Variants in AK4 observed in about 807,000 individuals in gnomAD.
AK4 encodes the protein adenylate kinase 4.
AK4 carries 13 observed loss-of-function variants against 24.6 expected under a neutral mutation model. That is an observed-to-expected ratio of 0.53 (90% CI 0.34 to 0.84). AK4 has a LOEUF of 0.84. AK4 is among the 40% of genes least tolerant of loss of function. The pLI, the probability that AK4 is intolerant of heterozygous loss-of-function variation, is 0.01. For synonymous variants in AK4, 88 were observed against 107.0 expected, an observed-to-expected ratio of 0.82 and a Z score of 1.10; for missense variants, 192 against 288.2, an observed-to-expected ratio of 0.67 and a Z score of 2.42.
chr1:65,195,501 A>G (rs1018933900), intron 2 of AK4, among the ~76,000 whole-genome samples: 1 of 152,196 alleles, frequency 6.6e-6, no homozygotes, highest in African/African-American at 2.4e-5. Flanking sequence ...TAGGGAACTT[A>G]AAAATCTGTG....
At chr1:65,172,062 A>AATATATATATATATATATAT (rs1406842262) in intron 1 of AK4, among the ~76,000 whole-genome samples, 1 of 29,912 alleles carries the variant, frequency 3.3e-5, no homozygotes, top group Non-Finnish European at 9.3e-5. Context: ...CTCCATCTCA[A>AATATATATATATATATATAT]GTATATATAT....
At position 65,169,914 on chromosome 1, in the gene AK4, C is replaced by A. The variant is rs74083413; in HGVS notation, c.146-20796C>A. ...GTGTGTGTGTGGCCCCTCACTCACTCCCTCACTCTAGGTGGTGTGAGGCCA... is the reference window on the plus strand; with the variant it reads ...GTGTGTGTGTGGCCCCTCACTCACTACCTCACTCTAGGTGGTGTGAGGCCA... On this transcript the variant is annotated intron_variant, in intron 1 of 4. Coordinates refer to ENST00000327299, the MANE Select transcript of AK4 (RefSeq NM_013410.4). Among the ~76,000 whole-genome samples, 506 of 151,890 alleles carry A rather than the reference C, an allele frequency of 3.3e-3. 1 individual carries two copies. Among genetic ancestry groups the A allele is most frequent in the Middle Eastern group, 0.01 (3 of 294 alleles).
chr1:65,180,818 G>T (rs576012109), intron 1 of AK4, among the ~76,000 whole-genome samples: 4 of 152,002 alleles, frequency 2.6e-5, no homozygotes, highest in Non-Finnish European at 5.9e-5. Context: ...GCGCAGGTGC[G>T]CACACACGTG....
At chr1:65,223,128 C>A (rs1055552521) in intron 3 of AK4, among the ~76,000 whole-genome samples, 1 of 151,548 alleles carries the variant, frequency 6.6e-6, no homozygotes, top group African/African-American at 2.4e-5. Flanking sequence ...CCTTCTGTTT[C>A]TCTTTTCCTT....
chr1:65,149,939 C>T (rs1649709511), intron 1 of AK4, among the ~76,000 whole-genome samples: 1 of 152,154 alleles, frequency 6.6e-6, no homozygotes, highest in African/African-American at 2.4e-5. Context: ...AAGGCTGGCT[C>T]TCATCCTAAT....
At chr1:65,168,906 G>C (rs1286147869) in intron 1 of AK4, among the ~76,000 whole-genome samples, 1 of 152,122 alleles carries the variant, frequency 6.6e-6, no homozygotes. Flanking sequence ...CAGGTGTAGT[G>C]GCCCATGGCT....
chr1:65,199,436 C>T (rs1651593737), intron 2 of AK4, among the ~76,000 whole-genome samples: 1 of 151,830 alleles, frequency 6.6e-6, no homozygotes, highest in East Asian at 1.9e-4. Flanking sequence ...GTAGTCCCAG[C>T]TACTCGGGAG....
At chr1:65,165,908 T>C (rs1379561154) in intron 1 of AK4, 4 of 152,256 alleles carry the variant, frequency 2.6e-5, no homozygotes, top group African/African-American at 9.7e-5. Flanking sequence ...GCCAGGAAAG[T>C]AGTCCCATTT....
At chr1:65,225,976 C>A in intron 4 of AK4, 87 bp from the exon 5 acceptor site, 2 of 1,400,462 alleles carry the variant, frequency 1.4e-6, no homozygotes, top group Non-Finnish European at 2.0e-6. Flanking sequence ...ACCATGAGAT[C>A]ATGCTTGTTT....
In AK4 at chr1:65,203,664, C is replaced by T. The variant is rs1342656221; in HGVS notation, c.265+12835C>T. On this transcript the variant is annotated intron_variant, in intron 2 of 4. Transcript: ENST00000327299. The stretch of plus-strand genomic sequence containing the variant: ...ACTAAAAATACAAAAATTAGCCAGG[C>T]GTGGTGGTGTGCACCTGTAATCCCA... 2.6e-5 allele frequency among the ~76,000 whole-genome samples: 4 copies of T among 152,028 alleles called. No homozygotes were observed. In the East Asian group the frequency reaches 5.8e-4, roughly 22 times the overall value.
intron 1 of AK4, among the ~76,000 whole-genome samples, chr1:65,161,260 T>C (rs1319457182): frequency 1.3e-5 from 2 of 152,186 alleles, no homozygotes; most frequent in Non-Finnish European, 2.9e-5. Context: ...CTTGGTGTTA[T>C]TTTATTATTC....
chr1:65,191,542 G>T (rs1176253272), intron 2 of AK4, among the ~76,000 whole-genome samples: 1 of 151,478 alleles, frequency 6.6e-6, no homozygotes, highest in Non-Finnish European at 1.5e-5. Context: ...GATAGGGAAG[G>T]TAGGTTTTTT....
In AK4 at chr1:65,226,004, G is replaced by A. The variant is rs1237962054; in HGVS notation, c.558-59G>A. 2.6e-6 allele frequency: 4 copies of A among 1,538,586 alleles called. No individual in the cohort carries two copies. The East Asian group carries it at 6.8e-5, about 26-fold the overall frequency. Reference sequence around the variant, plus strand: ...GCTTGTTTTATATCTAGGATCTTCTGCACTAATACGTGGAAAAGAAACCTA... The same window carrying A: ...GCTTGTTTTATATCTAGGATCTTCTACACTAATACGTGGAAAAGAAACCTA... On this transcript the variant is annotated intron_variant, in intron 4 of 4. Coordinates refer to ENST00000327299, the MANE Select transcript of AK4 (RefSeq NM_013410.4).
chr1:65,179,811 G>C (rs766015513), intron 1 of AK4, among the ~76,000 whole-genome samples: 7 of 152,056 alleles, frequency 4.6e-5, no homozygotes, highest in African/African-American at 7.2e-5. Context: ...CTTCAGCCTC[G>C]GTGACAAAGT....
intron 4 of AK4, among the ~76,000 whole-genome samples, chr1:65,225,834 G>C (rs574638088): frequency 6.6e-6 from 1 of 152,054 alleles, no homozygotes; most frequent in East Asian, 1.9e-4. Context: ...TTTTAAAGGG[G>C]GAGAAAAAAG....
At chr1:65,151,988 A>G (rs1649785815) in intron 1 of AK4, among the ~76,000 whole-genome samples, 1 of 152,100 alleles carries the variant, frequency 6.6e-6, no homozygotes, top group Admixed American at 6.6e-5. Flanking sequence ...GTTGTAAGAA[A>G]TATTAGCTTT....
intron 1 of AK4, among the ~76,000 whole-genome samples, chr1:65,160,069 G>T (rs12401887): frequency 2.6e-5 from 4 of 151,738 alleles, no homozygotes; most frequent in Non-Finnish European, 4.4e-5. Flanking sequence ...AGAAACTAGC[G>T]TTCAAACCTG....
intron 1 of AK4, among the ~76,000 whole-genome samples, chr1:65,188,026 A>G (rs527324755): frequency 5.3e-5 from 8 of 152,302 alleles, no homozygotes; most frequent in African/African-American, 1.9e-4. Flanking sequence ...TTCACAGCCC[A>G]TCTTTCAGTG....
At chr1:65,183,975 T>C (rs1557450732) in intron 1 of AK4, among the ~76,000 whole-genome samples, 1 of 152,208 alleles carries the variant, frequency 6.6e-6, no homozygotes, top group Non-Finnish European at 1.5e-5. Context: ...TTTGGAGAGA[T>C]GACCAACTTA....
Sources: gnomAD v4.1 joint callset for allele counts (sites outside exome capture counted in the v4.1 genomes callset) on GRCh38, gnomAD v4.1.1 for gene constraint, MANE v1.5 for transcripts, NCBI Gene and HGNC (gene_info 2026-07-23, HGNC 2026-07-21) for gene names.